The following PTPRD variants were observed in gnomAD, a reference collection of about 807,000 sequenced individuals.
PTPRD encodes the protein protein tyrosine phosphatase receptor type D.
PTPRD carries 34 observed loss-of-function variants against 214.5 expected under a neutral mutation model. The observed-to-expected ratio is 0.16, with a 90% CI of 0.12 to 0.21. The LOEUF (loss-of-function observed/expected upper bound fraction) is 0.21. PTPRD is among the 10% of genes least tolerant of loss of function. The pLI is 1.00. For synonymous variants in PTPRD, 1,128 were observed against 845.7 expected, an observed-to-expected ratio of 1.33 and a Z score of -5.79; for missense variants, 2,545 against 2,398.7, an observed-to-expected ratio of 1.06 and a Z score of -1.27.
intron 2 of PTPRD, among the ~76,000 whole-genome samples, chr9:10,404,427 C>T (rs1288022468): frequency 6.6e-6 from 1 of 151,632 alleles, no homozygotes; most frequent in Non-Finnish European, 1.5e-5. Flanking sequence ...GTTATTGTAT[C>T]AGTTCTTATT....
In PTPRD at chr9:9,438,620, G is replaced by A. The variant is rs536461056; in HGVS notation, c.-236-41138C>T. Among the ~76,000 whole-genome samples the A allele has an allele frequency of 2.0e-5, 3 of 152,246 alleles. No homozygotes were observed. In the East Asian group the frequency reaches 5.8e-4, roughly 29 times the overall value. ...TCCCTCTAAGTCTCTGGACTATGAT[G>A]CCGAGCTTTATCAAAATGATTGCTA... On this transcript the variant is annotated intron_variant, in intron 8 of 45. Coordinates refer to ENST00000381196, the MANE Select transcript of PTPRD (RefSeq NM_002839.4).
intron 8 of PTPRD, among the ~76,000 whole-genome samples, chr9:9,480,841 T>G (rs2147086267): frequency 6.6e-6 from 1 of 152,252 alleles, no homozygotes; most frequent in South Asian, 2.1e-4. Context: ...GGACTGTCTC[T>G]GATATCATAT....
At chr9:9,921,822 C>G (rs2382063) in intron 5 of PTPRD, among the ~76,000 whole-genome samples, 85,882 of 151,538 alleles carry the variant, frequency 0.57, 27,394 homozygotes, top group East Asian at 0.92. Context: ...TTATGTGTCC[C>G]ACACTGTTCT....
At chr9:9,565,013 A>C (rs923199129) in intron 8 of PTPRD, among the ~76,000 whole-genome samples, 1 of 150,526 alleles carries the variant, frequency 6.6e-6, no homozygotes, top group African/African-American at 2.4e-5. Flanking sequence ...TAGTTTCAAA[A>C]TTATCTCAAG....
intron 3 of PTPRD, among the ~76,000 whole-genome samples, chr9:10,271,392 C>T (rs947713896): frequency 6.7e-6 from 1 of 148,318 alleles, no homozygotes; most frequent in Non-Finnish European, 1.5e-5. Flanking sequence ...CTCAGAGTCT[C>T]TTTATGACTT....
intron 35 of PTPRD, among the ~76,000 whole-genome samples, chr9:8,414,508 C>T (rs765095340): frequency 3.9e-5 from 6 of 151,914 alleles, no homozygotes; most frequent in Non-Finnish European, 8.8e-5. Flanking sequence ...TTTGTTTGAA[C>T]AGTTGTGCTC....
chr9:9,062,458 A>G (rs557242478), intron 10 of PTPRD, among the ~76,000 whole-genome samples: 1 of 152,294 alleles, frequency 6.6e-6, no homozygotes, highest in East Asian at 1.9e-4. Context: ...TTCAGTCATC[A>G]CAAGTTTTCC....
At chr9:10,223,170 T>G (rs1008685105) in intron 3 of PTPRD, among the ~76,000 whole-genome samples, 1 of 151,994 alleles carries the variant, frequency 6.6e-6, no homozygotes, top group African/African-American at 2.4e-5. Flanking sequence ...TCTCTTCTCT[T>G]GCTAGTCTCT....
intron 3 of PTPRD, among the ~76,000 whole-genome samples, chr9:10,050,061 C>G (rs1372528211): frequency 1.3e-5 from 2 of 152,080 alleles, no homozygotes; most frequent in African/African-American, 4.8e-5. Flanking sequence ...TTCCCTATTA[C>G]CAGCACCTGG....
At chr9:10,578,204 C>T (rs1345065033) in intron 2 of PTPRD, among the ~76,000 whole-genome samples, 1 of 152,068 alleles carries the variant, frequency 6.6e-6, no homozygotes, top group African/African-American at 2.4e-5. Context: ...GCCACCACAC[C>T]CAGCCCATTA....
intron 8 of PTPRD, among the ~76,000 whole-genome samples, chr9:9,529,844 C>CTA (rs202121271): frequency 2.5e-3 from 371 of 150,626 alleles, no homozygotes; most frequent in African/African-American, 6.7e-3. Context: ...TTTACACACA[C>CTA]TATATATATA....
intron 3 of PTPRD, among the ~76,000 whole-genome samples, chr9:10,301,516 C>G (rs1489296502): frequency 6.6e-6 from 1 of 152,116 alleles, no homozygotes; most frequent in Non-Finnish European, 1.5e-5. Context: ...AAGCTAAGAA[C>G]TTTGACAAAA....
chr9:10,575,165 G>A (rs1312183220), intron 2 of PTPRD, among the ~76,000 whole-genome samples: 2 of 151,848 alleles, frequency 1.3e-5, no homozygotes, highest in African/African-American at 2.4e-5. Context: ...ATTTGACACT[G>A]TAGACATCAA....
intron 8 of PTPRD, among the ~76,000 whole-genome samples, chr9:9,508,625 C>G (rs1410357169): frequency 6.6e-6 from 1 of 151,580 alleles, no homozygotes; most frequent in African/African-American, 2.4e-5. Context: ...TAAACTATCA[C>G]TTAAGTTTGC....
At chr9:9,759,152 C>T (rs1306793059) in intron 6 of PTPRD, among the ~76,000 whole-genome samples, 1 of 152,172 alleles carries the variant, frequency 6.6e-6, no homozygotes, top group Non-Finnish European at 1.5e-5. Flanking sequence ...AGGTCCCTAG[C>T]TCCTTTTTCA....
At chr9:9,098,052 A>G (rs116901842) in intron 10 of PTPRD, among the ~76,000 whole-genome samples, 5,693 of 151,800 alleles carry the variant, frequency 0.038, 152 homozygotes, top group South Asian at 0.059. Flanking sequence ...ATATTAATAT[A>G]TTTATATATA....
chr9:8,464,221 T>C (rs1372474989), intron 32 of PTPRD, among the ~76,000 whole-genome samples: 2 of 151,948 alleles, frequency 1.3e-5, no homozygotes, highest in East Asian at 1.9e-4. Flanking sequence ...GCTCTAAGTA[T>C]GCTTTTTGAA....
intron 9 of PTPRD, among the ~76,000 whole-genome samples, chr9:9,373,295 T>A (rs1016426360): frequency 1.3e-5 from 2 of 152,058 alleles, no homozygotes; most frequent in Non-Finnish European, 2.9e-5. Flanking sequence ...GAGAAATAAG[T>A]CAATTTAAGT....
chr9:9,342,697 A>G (rs999987497), intron 9 of PTPRD, among the ~76,000 whole-genome samples: 4 of 126,952 alleles, frequency 3.2e-5, no homozygotes, highest in African/African-American at 1.3e-4. Flanking sequence ...CACAAATTGT[A>G]TATCTCTGAC....
Sources: allele counts gnomAD v4.1 joint callset (sites outside exome capture counted in the v4.1 genomes callset), GRCh38; gene constraint gnomAD v4.1.1; transcripts MANE v1.5; gene names NCBI Gene and HGNC (gene_info 2026-07-23, HGNC 2026-07-21).